Variants in TACR1 observed in about 807,000 individuals in gnomAD.
TACR1 encodes the protein substance-P receptor.
TACR1 carries 25 observed loss-of-function variants against 35.8 expected under a neutral mutation model. The observed-to-expected ratio is 0.70, with a 90% CI of 0.51 to 0.98. TACR1 has a LOEUF of 0.98. TACR1 is among the 50% of genes least tolerant of loss of function. The pLI, the probability that TACR1 is intolerant of heterozygous loss-of-function variation, is 0.00. For missense variants in TACR1, 478 were observed against 522.9 expected (o/e 0.91, Z 0.84); for synonymous variants, 195 against 206.7 (o/e 0.94, Z 0.48).
At chr2:75,137,707 CGACA>C (rs1287810341) in intron 1 of TACR1, among the ~76,000 whole-genome samples, 1 of 108,488 alleles carries the variant, frequency 9.2e-6, no homozygotes, top group Admixed American at 1.5e-4. Flanking sequence ...CCAGCCTGGG[CGACA>C]GAGAGAGTCT....
chr2:75,190,189 A>G, intron 1 of TACR1, among the ~76,000 whole-genome samples: 1 of 152,230 alleles, frequency 6.6e-6, no homozygotes. Context: ...GCTTTTTGCA[A>G]TGAACACATT....
rs573144142 is a variant in TACR1 at position 75,049,637 on chromosome 2, C to T, written c.1019G>A (p.Arg340Gln). 1.4e-5 allele frequency: 23 copies of T among 1,614,102 alleles called. No individual in the cohort carries two copies. Among genetic ancestry groups the T allele is most frequent in the South Asian group, 7.7e-5 (7 of 91,082 alleles). The change falls in exon 5 of 5, where the codon CGG becomes CAG. Residue 340 changes from arginine (R) to glutamine (Q), a missense_variant. Transcript: ENST00000305249. Reference sequence around the variant, plus strand: ...CACACTGCCCTGGGTCTGGAGATACCGGGTGGATTTCATTTCCAGCCCCTC... The same window carrying T: ...CACACTGCCCTGGGTCTGGAGATACTGGGTGGATTTCATTTCCAGCCCCTC... ...DYEGLEMKST[R>Q]YLQTQGSVYK...
At chr2:75,167,193 G>C (rs1427273450) in intron 1 of TACR1, among the ~76,000 whole-genome samples, 1 of 152,176 alleles carries the variant, frequency 6.6e-6, no homozygotes, top group Non-Finnish European at 1.5e-5. Flanking sequence ...GCTTATAATT[G>C]AAAGGAAATT....
chr2:75,198,554 G>T lies in TACR1; in HGVS notation c.381C>A (p.Ala127=), dbSNP rs765729258. 2 of 1,612,448 alleles carry T rather than the reference G, an allele frequency of 1.2e-6. No individual in the cohort carries two copies. The highest frequency in any genetic ancestry group is 2.2e-5 in the South Asian group (2 of 91,066). ...ACAAAGGCTAATCTCACCTATCAAA[G>T]GCCACAGCCGTCATGGAGTAGATAC... ...FASIYSMTAV[A]FDRYMAIIHP... Residue 127 remains alanine (A), a synonymous_variant, in exon 1 of 5, where the codon GCC becomes GCA. Transcript: ENST00000305249.
chr2:75,195,435 AC>A lies in TACR1; in HGVS notation c.389+3110del, dbSNP rs1174472722. On this transcript the variant is annotated intron_variant, in intron 1 of 4. Coordinates refer to ENST00000305249, the MANE Select transcript of TACR1 (RefSeq NM_001058.4). ...TCCCTTTTTTTCCTTCCCTGACCCC[AC>A]CCCACCTTTCCTGTAGAAAGACTAC... Among the ~76,000 whole-genome samples, 24 of 115,182 alleles carry A rather than the reference AC, an allele frequency of 2.1e-4. 1 individual carries two copies. In the South Asian group the frequency reaches 2.2e-3, roughly 11 times the overall value. 75.6% of individuals were successfully genotyped at this position (115,182 alleles called of 152,430 possible).
chr2:75,118,898 G>A (rs1223433773), intron 2 of TACR1: 1 of 152,060 alleles, frequency 6.6e-6, no homozygotes, highest in Admixed American at 6.5e-5. Context: ...GTAAAGCTGT[G>A]TTCTTTCTCC....
intron 1 of TACR1, among the ~76,000 whole-genome samples, chr2:75,130,860 C>T (rs564001252): frequency 2.6e-5 from 4 of 152,326 alleles, no homozygotes; most frequent in East Asian, 3.9e-4. Flanking sequence ...CCTCATCATT[C>T]TGTGAAGCAT....
intron 1 of TACR1, among the ~76,000 whole-genome samples, chr2:75,167,545 G>C (rs1675176056): frequency 6.6e-6 from 1 of 152,122 alleles, no homozygotes; most frequent in Non-Finnish European, 1.5e-5. Flanking sequence ...ATAAATTTAT[G>C]GAAAAGAGAA....
chr2:75,088,029 C>T (rs1163668162), intron 2 of TACR1, among the ~76,000 whole-genome samples: 1 of 152,168 alleles, frequency 6.6e-6, no homozygotes, highest in Non-Finnish European at 1.5e-5. Flanking sequence ...TGTAGTCCCC[C>T]CATGTCTCGG....
At chr2:75,176,898 A>G (rs1176654839) in intron 1 of TACR1, among the ~76,000 whole-genome samples, 5 of 152,116 alleles carry the variant, frequency 3.3e-5, no homozygotes, top group Non-Finnish European at 7.4e-5. Flanking sequence ...ACATTTTCCT[A>G]CACTGATGTA....
chr2:75,099,067 C>A (rs571460827), intron 2 of TACR1, among the ~76,000 whole-genome samples: 1 of 152,232 alleles, frequency 6.6e-6, no homozygotes. Context: ...CCTGCCACAT[C>A]TTCTTTTTCA....
At chr2:75,084,098 C>T (rs1171014957) in intron 2 of TACR1, among the ~76,000 whole-genome samples, 2 of 152,116 alleles carry the variant, frequency 1.3e-5, no homozygotes, top group African/African-American at 2.4e-5. Flanking sequence ...TGAGATATGT[C>T]CCATCAATAC....
chr2:75,073,123 G>A lies in TACR1; in HGVS notation c.585-19368C>T, dbSNP rs971073879. ...TCACTACTCACAGGAATAGGGACCC[G>A]GTGTTTGGAAACCCCTGAGAATCTA... is the stretch of plus-strand genomic sequence containing the variant. On this transcript the variant is annotated intron_variant, in intron 2 of 4. Coordinates refer to ENST00000305249, the MANE Select transcript of TACR1 (RefSeq NM_001058.4). Among the ~76,000 whole-genome samples, 7 of 152,160 alleles carry A rather than the reference G, an allele frequency of 4.6e-5. 1 individual carries two copies. The highest frequency in any genetic ancestry group is 4.1e-4 in the South Asian group (2 of 4,832).
chr2:75,079,653 G>T (rs922316145), intron 2 of TACR1, among the ~76,000 whole-genome samples: 1 of 151,472 alleles, frequency 6.6e-6, no homozygotes, highest in Non-Finnish European at 1.5e-5. Context: ...TCTCTTGAAG[G>T]TTCCCCCACT....
intron 2 of TACR1, among the ~76,000 whole-genome samples, chr2:75,093,635 T>C (rs901542339): frequency 5.3e-5 from 8 of 152,086 alleles, no homozygotes; most frequent in African/African-American, 1.9e-4. Context: ...TGGGTGCTGT[T>C]TTAAGTCTTT....
chr2:75,088,821 G>A (rs1303829979), intron 2 of TACR1, among the ~76,000 whole-genome samples: 1 of 152,024 alleles, frequency 6.6e-6, no homozygotes, highest in Non-Finnish European at 1.5e-5. Flanking sequence ...CGTGGCTTGG[G>A]TTGATTCTCC....
At chr2:75,123,452 C>T (rs553015509) in intron 1 of TACR1, among the ~76,000 whole-genome samples, 6 of 152,202 alleles carry the variant, frequency 3.9e-5, no homozygotes, top group South Asian at 2.1e-4. Context: ...ATTGCACCAG[C>T]GTATTGGCAC....
chr2:75,129,436 A>G (rs1377042024), intron 1 of TACR1, among the ~76,000 whole-genome samples: 2 of 152,210 alleles, frequency 1.3e-5, no homozygotes, highest in African/African-American at 4.8e-5. Flanking sequence ...TCAAAGATGC[A>G]TTTCTTTTAG....
chr2:75,126,967 C>T (rs1674086214), intron 1 of TACR1, among the ~76,000 whole-genome samples: 1 of 152,118 alleles, frequency 6.6e-6, no homozygotes, highest in Non-Finnish European at 1.5e-5. Context: ...GTCAGAATGG[C>T]TATTTTGAAA....
Sources: gnomAD v4.1 joint callset for allele counts (sites outside exome capture counted in the v4.1 genomes callset) on GRCh38, gnomAD v4.1.1 for gene constraint, MANE v1.5 for transcripts, NCBI Gene and HGNC (gene_info 2026-07-23, HGNC 2026-07-21) for gene names.